PTPRN2: variants seen among roughly 807,000 people sequenced by gnomAD.
PTPRN2 encodes the protein protein tyrosine phosphatase receptor type N2.
In PTPRN2, 74 loss-of-function variants were observed where a neutral mutation model predicts 118.8. That is an observed-to-expected ratio of 0.62 (90% CI 0.52 to 0.76). The LOEUF is 0.76. Ranked by LOEUF, PTPRN2 falls within the 30% of genes least tolerant of loss-of-function variation. The pLI, the probability that PTPRN2 is intolerant of heterozygous loss-of-function variation, is 0.00. For synonymous variants in PTPRN2, 641 were observed against 608.0 expected (o/e 1.05, Z -0.80); for missense variants, 1,481 against 1,394.4 (o/e 1.06, Z -0.99).
At chr7:158,073,824 G>A (rs558429425) in intron 11 of PTPRN2, among the ~76,000 whole-genome samples, 13 of 152,310 alleles carry the variant, frequency 8.5e-5, no homozygotes, top group African/African-American at 2.9e-4. Flanking sequence ...CATCATGGAA[G>A]GACCAGGGCT....
chr7:157,724,535 G>A (rs371642512), intron 12 of PTPRN2, among the ~76,000 whole-genome samples: 36 of 152,162 alleles, frequency 2.4e-4, no homozygotes, highest in Admixed American at 1.0e-3. Context: ...CAATGAACCC[G>A]GTGCAAGTCG....
At position 157,604,087 on chromosome 7, in the gene PTPRN2, C is replaced by T; in HGVS notation, c.2345-12G>A. 1 of 1,613,304 alleles carries T rather than the reference C, an allele frequency of 6.2e-7. No individual in the cohort carries two copies. The highest frequency in any genetic ancestry group is 2.2e-5 in the East Asian group (1 of 44,892). ...CCGGGAGTGGTCATCTGCAAGGACA[C>T]AGTGCAGGGGTCAGAGGAACATTGG... On this transcript the variant is annotated splice_polypyrimidine_tract_variant and intron_variant, in intron 15 of 22. Coordinates refer to ENST00000389418, the MANE Select transcript of PTPRN2 (RefSeq NM_002847.5).
chr7:158,452,108 C>A (rs1017249373), intron 2 of PTPRN2, among the ~76,000 whole-genome samples: 2 of 152,156 alleles, frequency 1.3e-5, no homozygotes, highest in African/African-American at 4.8e-5. Flanking sequence ...ACTTTCTATT[C>A]TTTCCCTTCA....
chr7:158,582,178 G>A (rs1039129849), intron 1 of PTPRN2, among the ~76,000 whole-genome samples: 2 of 152,124 alleles, frequency 1.3e-5, no homozygotes, highest in African/African-American at 4.8e-5. Context: ...AGTCCAGCTG[G>A]GTCTACATTT....
chr7:158,499,926 C>G (rs1822234414), intron 1 of PTPRN2, among the ~76,000 whole-genome samples: 1 of 147,562 alleles, frequency 6.8e-6, no homozygotes, highest in Non-Finnish European at 1.5e-5. Context: ...GTATTAGGTT[C>G]AGTTTTAAGA....
chr7:158,148,455 C>A (rs1405848781), intron 6 of PTPRN2, among the ~76,000 whole-genome samples: 303 of 129,568 alleles, frequency 2.3e-3, no homozygotes, highest in African/African-American at 9.1e-3. Flanking sequence ...CATCTCATGC[C>A]ACACGTCTTT....
chr7:157,957,510 A>G (rs11773073), intron 11 of PTPRN2, among the ~76,000 whole-genome samples: 129,549 of 152,072 alleles, frequency 0.85, 55,419 homozygotes, highest in East Asian at 0.9. Context: ...ATAAATCATC[A>G]ATTAATACTT....
At chr7:158,256,942 A>C (rs1797057776) in intron 3 of PTPRN2, among the ~76,000 whole-genome samples, 1 of 152,192 alleles carries the variant, frequency 6.6e-6, no homozygotes, top group African/African-American at 2.4e-5. Context: ...AAGGTCCTTC[A>C]AGCTACCAGC....
chr7:158,078,641 C>T (rs1812562775), intron 11 of PTPRN2, among the ~76,000 whole-genome samples: 1 of 152,240 alleles, frequency 6.6e-6, no homozygotes, highest in African/African-American at 2.4e-5. Flanking sequence ...GGGCCAGTCA[C>T]CGTGCTAAGC....
chr7:158,337,290 A>G (rs1563167137), intron 2 of PTPRN2, among the ~76,000 whole-genome samples: 1 of 151,434 alleles, frequency 6.6e-6, no homozygotes, highest in Non-Finnish European at 1.5e-5. Context: ...CACTCTCACC[A>G]TAAGAGCTGT....
rs1798522067 is a variant in PTPRN2, at chr7:157,550,145, C to T, written c.2903-1126G>A. 6.6e-6 allele frequency among the ~76,000 whole-genome samples: 1 copy of T among 152,192 alleles called. No individual in the cohort carries two copies. Among genetic ancestry groups the T allele is most frequent in the South Asian group, 2.1e-4 (1 of 4,834 alleles). ...AGTGCACACCACATTCCTCGCCCAG[C>T]GAATCAGGAGAGAAGCTTTAAAATT... On this transcript the variant is annotated intron_variant, in intron 21 of 22. Coordinates refer to ENST00000389418, the MANE Select transcript of PTPRN2 (RefSeq NM_002847.5). The surrounding 1 kb of genome is among the most constrained non-coding windows in gnomAD (Gnocchi z 5.2).
chr7:157,778,503 C>G (rs1803477848), intron 12 of PTPRN2, among the ~76,000 whole-genome samples: 1 of 152,298 alleles, frequency 6.6e-6, no homozygotes, highest in Middle Eastern at 3.4e-3. Context: ...CACGTGAATA[C>G]AGGTATCGAA....
intron 2 of PTPRN2, among the ~76,000 whole-genome samples, chr7:158,330,458 G>A (rs1289240161): frequency 2.0e-5 from 2 of 101,100 alleles, no homozygotes; most frequent in Non-Finnish European, 4.4e-5. Context: ...ACCCGCAGAC[G>A]TCACTCACAC....
rs533276311 is a variant in PTPRN2, at chr7:157,808,910, A to T, written c.1788+89763T>A. ...ATTTCACATGGTCAGTCCCTGCAGC[A>T]CCTCCCGAAGTGTGGTGTGTCACTT... On this transcript the variant is annotated intron_variant, in intron 12 of 22. Transcript: ENST00000389418. The surrounding 1 kb of genome is among the most constrained non-coding windows in gnomAD (Gnocchi z 5.0). 4.3e-4 allele frequency among the ~76,000 whole-genome samples: 65 copies of T among 152,184 alleles called. No homozygotes were observed. In the South Asian group the frequency reaches 0.013, roughly 30 times the overall value.
At chr7:158,170,056 G>A (rs183519506) in intron 5 of PTPRN2, among the ~76,000 whole-genome samples, 1 of 152,306 alleles carries the variant, frequency 6.6e-6, no homozygotes. Flanking sequence ...CATCCAAATT[G>A]CTTAAATTTG....
intron 12 of PTPRN2, among the ~76,000 whole-genome samples, chr7:157,777,515 C>T (rs1350154988): frequency 1.3e-5 from 2 of 152,184 alleles, no homozygotes; most frequent in Non-Finnish European, 2.9e-5. Flanking sequence ...CGCAGTGCCC[C>T]ACACTGCTAA....
rs114664948 is a variant in PTPRN2 at position 158,156,808 on chromosome 7, G to A, written c.910+10123C>T. Among the ~76,000 whole-genome samples the A allele has an allele frequency of 2.6e-3, 396 of 152,386 alleles. 2 individuals are homozygous for A. Among genetic ancestry groups the A allele is most frequent in the African/African-American group, 8.9e-3 (371 of 41,596 alleles). On this transcript the variant is annotated intron_variant, in intron 6 of 22. Transcript: ENST00000389418. Reference sequence around the variant, plus strand: ...TCAGCGGTCTCCATTAACCACCAGCGTTCAGGTTGGAACTGGGGAGATTTG... The same window carrying A: ...TCAGCGGTCTCCATTAACCACCAGCATTCAGGTTGGAACTGGGGAGATTTG...
chr7:157,701,710 C>G (rs554783132), intron 12 of PTPRN2, among the ~76,000 whole-genome samples: 1 of 152,374 alleles, frequency 6.6e-6, no homozygotes, highest in East Asian at 1.9e-4. Context: ...AAGCTTCTCA[C>G]TCTTAACTGA....
intron 3 of PTPRN2, among the ~76,000 whole-genome samples, chr7:158,271,427 C>T (rs1328635377): frequency 1.3e-5 from 2 of 152,232 alleles, no homozygotes; most frequent in African/African-American, 4.8e-5. Flanking sequence ...TGAAAAGCCA[C>T]AATCAACGCT....
Sources: gnomAD v4.1 joint callset for allele counts (sites outside exome capture counted in the v4.1 genomes callset) on GRCh38, gnomAD v4.1.1 for gene constraint, Gnocchi (gnomAD v3.1) non-coding constraint, MANE v1.5 for transcripts, NCBI Gene and HGNC (gene_info 2026-07-23, HGNC 2026-07-21) for gene names.